PXDN: variants seen among roughly 807,000 people sequenced by gnomAD.
The protein encoded by PXDN is peroxidasin.
In PXDN, 77 loss-of-function variants were observed where a neutral mutation model predicts 140.3. The ratio of observed to expected loss-of-function variants is 0.55; its 90% CI spans 0.46 to 0.66. The LOEUF (loss-of-function observed/expected upper bound fraction) is 0.66, where lower values mean the gene tolerates loss of function less well. Ranked by LOEUF, PXDN falls within the 30% of genes least tolerant of loss-of-function variation. The pLI, the probability that PXDN is intolerant of heterozygous loss-of-function variation, is 0.00. For missense variants in PXDN, 1,838 were observed against 2,039.5 expected (o/e 0.90, Z 1.90); for synonymous variants, 911 against 857.4 (o/e 1.06, Z -1.09).
chr2:1,664,928 G>C lies in PXDN; in HGVS notation c.1408+30C>G, dbSNP rs775343214. ...CTTCCTGCGTCTGTGGCCGCGGAGGGAGCAGGCAAAGGGCCGGCCTGGGTC... is the reference window on the plus strand; with the variant it reads ...CTTCCTGCGTCTGTGGCCGCGGAGGCAGCAGGCAAAGGGCCGGCCTGGGTC... On this transcript the variant is annotated intron_variant, in intron 11 of 22. Transcript: ENST00000252804. 7 of 1,519,360 alleles carry C rather than the reference G, an allele frequency of 4.6e-6. No homozygotes were observed. In the East Asian group the frequency reaches 1.2e-4, roughly 25 times the overall value. The allele number at this position is 1,519,360 out of a possible 1,614,324, so 94.1% of individuals were successfully genotyped here. A position where few individuals can be genotyped will look rare whatever the true frequency, so the allele number is the denominator to read the frequency against.
At position 1,634,233 on chromosome 2, in the gene PXDN, A is replaced by G. The variant is rs755720043; in HGVS notation, c.4411T>C (p.Leu1471=). The change falls in exon 23 of 23, where the codon TTA becomes CTA. Residue 1471 remains leucine (L), a synonymous_variant. Transcript: ENST00000252804. ...GGCTTTTCCTCCGCCCTCTTCTGTA[A>G]GCAGACTGGACAGCAGGCCCCTGGG... ...NIPGACCPVC[L]QKRAEEKP 12 of 1,602,822 alleles carry G rather than the reference A, an allele frequency of 7.5e-6. No individual in the cohort carries two copies. Among genetic ancestry groups the G allele is most frequent in the Non-Finnish European group, 1.0e-5 (12 of 1,174,840 alleles).
intron 8 of PXDN, chr2:1,676,334 T>C (rs533009211): frequency 6.5e-6 from 1 of 153,540 alleles, no homozygotes; most frequent in Admixed American, 6.4e-5. Context: ...CTTCCCTCCG[T>C]CACCCTGACA....
intron 14 of PXDN, among the ~76,000 whole-genome samples, chr2:1,657,847 C>T (rs533528127): frequency 1.6e-4 from 22 of 141,106 alleles, no homozygotes; most frequent in African/African-American, 3.7e-4. Flanking sequence ...GATTGGGACC[C>T]GCCCTCTCCT....
Position 1,639,821 on chromosome 2 carries a change from A to G in PXDN, c.3953-399T>C, listed in dbSNP as rs996199195. Among the ~76,000 whole-genome samples, 1 of 152,204 alleles carries G rather than the reference A, an allele frequency of 6.6e-6. No homozygotes were observed. Among genetic ancestry groups the G allele is most frequent in the South Asian group, 2.1e-4 (1 of 4,838 alleles). On this transcript the variant is annotated intron_variant, in intron 19 of 22. Transcript: ENST00000252804. This position sits in a 1 kb window ranked among gnomAD's most constrained non-coding sequence, Gnocchi z 5.0. ...GGCCAGATGACAATCTGCACTCTGG[A>G]GTGCCTTAAAATTATGCTACACTCC...
intron 1 of PXDN, among the ~76,000 whole-genome samples, chr2:1,720,959 C>A (rs565794462): frequency 6.6e-6 from 1 of 152,138 alleles, no homozygotes; most frequent in African/African-American, 2.4e-5. Flanking sequence ...GTCCAAAAGC[C>A]GCCTCTGCTG....
chr2:1,701,402 C>T (rs942851297), intron 1 of PXDN, among the ~76,000 whole-genome samples: 9 of 152,186 alleles, frequency 5.9e-5, no homozygotes, highest in African/African-American at 1.2e-4. Flanking sequence ...CTCGTGCAGG[C>T]GGCCACAGTG....
In PXDN at chr2:1,708,391, G is replaced by A. The variant is rs771999284; in HGVS notation, c.201-15257C>T. Among the ~76,000 whole-genome samples, 13 of 152,296 alleles carry A rather than the reference G, an allele frequency of 8.5e-5. 1 individual carries two copies. In the South Asian group the frequency reaches 2.7e-3, roughly 32 times the overall value. On this transcript the variant is annotated intron_variant, in intron 1 of 22. Transcript: ENST00000252804. ...GGAGTTTGCCCCTGAGGCCCCCTGT[G>A]GATGGACTGAAGGGCTTTGCTCAAT...
chr2:1,665,533 T>A (rs1267447941), intron 10 of PXDN, among the ~76,000 whole-genome samples: 1 of 152,204 alleles, frequency 6.6e-6, no homozygotes, highest in East Asian at 1.9e-4. Flanking sequence ...TCCATTTTTA[T>A]AAAAGTAACA....
At chr2:1,744,581 G>T, upstream of PXDN, 2 of 802,198 alleles carry the variant, frequency 2.5e-6, no homozygotes, top group Non-Finnish European at 3.3e-6. Flanking sequence ...CTGTGCACAT[G>T]CGCGAGGCTC....
intron 21 of PXDN, among the ~76,000 whole-genome samples, chr2:1,638,007 C>T (rs1472354753): frequency 6.6e-6 from 1 of 152,146 alleles, no homozygotes. Flanking sequence ...GATGAGGGGG[C>T]AGGCACAGGA....
At chr2:1,719,368 T>G (rs999901254) in intron 1 of PXDN, among the ~76,000 whole-genome samples, 2 of 152,170 alleles carry the variant, frequency 1.3e-5, no homozygotes, top group African/African-American at 4.8e-5. Context: ...TCTGTGCCCC[T>G]GCTCAGGGTC....
intron 1 of PXDN, among the ~76,000 whole-genome samples, chr2:1,726,258 A>C (rs1026337102): frequency 5.9e-5 from 9 of 151,348 alleles, no homozygotes; most frequent in Non-Finnish European, 3.0e-5. Context: ...ATAAAAAATG[A>C]TGAGTTCATG....
chr2:1,722,898 G>A (rs1281004138), intron 1 of PXDN, among the ~76,000 whole-genome samples: 1 of 152,262 alleles, frequency 6.6e-6, no homozygotes, highest in Non-Finnish European at 1.5e-5. Context: ...ACTTCACAGT[G>A]ATTCCAGTAG....
In PXDN at chr2:1,635,440, T is replaced by C. The variant is rs1460276209; in HGVS notation, c.4288A>G (p.Lys1430Glu). The change falls in exon 22 of 23, where the codon AAA becomes GAA. Residue 1430 changes from lysine to glutamate, a missense_variant. Coordinates refer to ENST00000252804, the MANE Select transcript of PXDN (RefSeq NM_012293.3). ...TCACAAATGGTGCATGCATCTTTTT[T>C]CCACTTGGTGTTGTTGGCGTGAGAT... ...GESHANNTKW[K>E]KDACTICECK... is the part of the protein sequence containing the mutation. 4.4e-6 allele frequency: 7 copies of C among 1,599,168 alleles called. No homozygotes were observed. Among genetic ancestry groups the C allele is most frequent in the Non-Finnish European group, 6.0e-6 (7 of 1,172,096 alleles).
intron 19 of PXDN, among the ~76,000 whole-genome samples, chr2:1,641,214 C>T (rs1454226413): frequency 2.0e-5 from 3 of 152,178 alleles, no homozygotes; most frequent in African/African-American, 7.2e-5. Flanking sequence ...TACAATGGCA[C>T]GATCTCAGCT....
chr2:1,687,586 C>A lies in PXDN; in HGVS notation c.416+46G>T, dbSNP rs1558509289. The A allele has an allele frequency of 2.1e-6, 3 of 1,405,334 alleles. No individual in the cohort carries two copies. The highest frequency in any genetic ancestry group is 1.9e-5 in the Admixed American group (1 of 51,578). 87.1% of individuals were successfully genotyped at this position (1,405,334 alleles called of 1,614,324 possible). ...ACTGGTCCCTACAAGAGGAAAACAG[C>A]CAGACGGCATCCAAGAACTAAAGCA... On this transcript the variant is annotated intron_variant, in intron 4 of 22. Coordinates refer to ENST00000252804, the MANE Select transcript of PXDN (RefSeq NM_012293.3). The surrounding 1 kb of genome is among the most constrained non-coding windows in gnomAD (Gnocchi z 4.0).
At chr2:1,705,497 G>A (rs1351306692) in intron 1 of PXDN, among the ~76,000 whole-genome samples, 21 of 130,580 alleles carry the variant, frequency 1.6e-4, no homozygotes, top group South Asian at 5.0e-4. Context: ...TGCAGGGTGC[G>A]GCTCCCCACG....
chr2:1,698,905 T>C (rs1206575090), intron 1 of PXDN, among the ~76,000 whole-genome samples: 1 of 152,240 alleles, frequency 6.6e-6, no homozygotes, highest in Non-Finnish European at 1.5e-5. Flanking sequence ...ATTTACATTT[T>C]ACATTTAAAA....
At chr2:1,656,773 C>G (rs1261670585) in intron 14 of PXDN, among the ~76,000 whole-genome samples, 3 of 150,946 alleles carry the variant, frequency 2.0e-5, no homozygotes, top group Non-Finnish European at 4.4e-5. Flanking sequence ...TCTGTCCCCT[C>G]CTGACAGGAA....
Sources: gnomAD v4.1 joint callset for allele counts (sites outside exome capture counted in the v4.1 genomes callset) on GRCh38, gnomAD v4.1.1 for gene constraint, Gnocchi (gnomAD v3.1) non-coding constraint, MANE v1.5 for transcripts, NCBI Gene and HGNC (gene_info 2026-07-23, HGNC 2026-07-21) for gene names.